The following MEGF10 variants were observed in gnomAD, a reference collection of about 807,000 sequenced individuals.
The protein encoded by MEGF10 is multiple epidermal growth factor-like domains protein 10.
MEGF10 carries 86 observed loss-of-function variants against 147.5 expected under a neutral mutation model. The ratio of observed to expected loss-of-function variants is 0.58; its 90% confidence interval spans 0.49 to 0.70. The LOEUF (loss-of-function observed/expected upper bound fraction) is 0.70. Ranked by LOEUF, MEGF10 falls within the 30% of genes least tolerant of loss-of-function variation. MEGF10 has a pLI of 0.00. For synonymous variants in MEGF10, 478 were observed against 525.5 expected (o/e 0.91, Z 1.24); for missense variants, 1,329 against 1,487.3 (o/e 0.89, Z 1.75).
chr5:127,304,226 G>A (rs1399038759), intron 1 of MEGF10, among the ~76,000 whole-genome samples: 7 of 152,096 alleles, frequency 4.6e-5, no homozygotes. Context: ...TCTTGTTTTG[G>A]GCAGAAGCTT....
Position 127,434,693 on chromosome 5 carries a change from C to G in MEGF10, c.1847C>G (p.Ser616Cys). The change falls in exon 15 of 25, where the codon TCC becomes TGC. Residue 616 changes from serine to cysteine, a missense_variant. Physicochemically the swap from Ser to Cys is moderately radical, Grantham distance 112 (BLOSUM62 -1). This residue lies in a region of MEGF10 where 980 missense variants were observed against 1,085.9 expected (regional missense o/e 0.90). Coordinates refer to ENST00000503335, the MANE Select transcript of MEGF10 (RefSeq NM_001256545.2). The stretch of plus-strand genomic sequence containing the variant: ...ATTTCCCTTCTGTTTTCAGTCTGCT[C>G]CCCTGGTTTTTATGGGCATCGCTGC... ...FRGTTCQRIC[S>C]PGFYGHRCSQ... 1 of 1,610,888 alleles carries G rather than the reference C, an allele frequency of 6.2e-7. No homozygotes were observed. Among genetic ancestry groups the G allele is most frequent in the Non-Finnish European group, 8.5e-7 (1 of 1,178,460 alleles).
rs574241361 is a variant in MEGF10, at chr5:127,458,849, C to G, written c.*1531C>G. On this transcript the variant is annotated 3_prime_UTR_variant, in exon 25 of 25. Coordinates refer to ENST00000503335, the MANE Select transcript of MEGF10 (RefSeq NM_001256545.2). ...GTGATCATAGAATTGACCATCCAAA[C>G]TGGGACACTCTTGAGAGTAAATGGA... 3 of 152,212 alleles carry G rather than the reference C, an allele frequency of 2.0e-5. No individual in the cohort carries two copies. The highest frequency in any genetic ancestry group is 4.4e-5 in the Non-Finnish European group (3 of 68,006). The allele number at this position is 152,212 out of a possible 1,614,324, so 9.4% of individuals were successfully genotyped here. A position where few individuals can be genotyped will look rare whatever the true frequency, so the allele number is the denominator to read the frequency against.
intron 22 of MEGF10, among the ~76,000 whole-genome samples, chr5:127,449,590 A>G (rs1766078899): frequency 6.6e-6 from 1 of 152,198 alleles, no homozygotes; most frequent in South Asian, 2.1e-4. Flanking sequence ...TAACAAGGTT[A>G]TGTTACTTGC....
At chr5:127,247,386 GAAGAAGAAGAAGAAGAAGAAGAAGAA>G in the MEGF10 span, among the ~76,000 whole-genome samples, 2 of 23,680 alleles carry the variant, frequency 8.4e-5, no homozygotes, top group African/African-American at 3.7e-4. Flanking sequence ...AGAAGAAGAA[GAAGAAGAAGAAGAAGAAGAAGAAGAA>G]GAAGAAGAAG....
the MEGF10 span, among the ~76,000 whole-genome samples, chr5:127,252,100 A>G: frequency 6.6e-6 from 1 of 152,012 alleles, no homozygotes; most frequent in African/African-American, 2.4e-5. Flanking sequence ...TAACAAAATT[A>G]TAGAAGCTTT....
At chr5:127,361,208 T>C (rs902145433) in intron 4 of MEGF10, among the ~76,000 whole-genome samples, 10 of 152,006 alleles carry the variant, frequency 6.6e-5, no homozygotes. Context: ...CTTTTAACTA[T>C]AATTTAATTG....
chr5:127,250,279 A>G, the MEGF10 span, among the ~76,000 whole-genome samples: 1 of 152,062 alleles, frequency 6.6e-6, no homozygotes, highest in Admixed American at 6.6e-5. Flanking sequence ...CCTAATAACT[A>G]TGTTTAACAT....
At position 127,440,766 on chromosome 5, in the gene MEGF10, A is replaced by T; in HGVS notation, c.2261A>T (p.Asp754Val). ...TGTCCTCTAGGGTTTTATGGAAAAG[A>T]TTGTGCACTGATATGCCAATGTCAA... is the stretch of plus-strand genomic sequence containing the variant. ...QRCPLGFYGK[D>V]CALICQCQNG... is the part of the protein sequence containing the mutation. The change falls in exon 18 of 25, where the codon GAT (aspartate) becomes GTT (valine). Residue 754 changes from aspartate to valine, a missense_variant. This residue lies in a region of MEGF10 where 980 missense variants were observed against 1,085.9 expected (regional missense o/e 0.90). Transcript: ENST00000503335. 1.9e-6 allele frequency: 3 copies of T among 1,614,084 alleles called. No homozygotes were observed. Among genetic ancestry groups the T allele is most frequent in the Non-Finnish European group, 1.7e-6 (2 of 1,179,968 alleles).
chr5:127,298,804 G>A (rs1759634072), intron 1 of MEGF10, among the ~76,000 whole-genome samples: 1 of 152,174 alleles, frequency 6.6e-6, no homozygotes, highest in African/African-American at 2.4e-5. Context: ...GACAGCCGGA[G>A]TAAAGGACCC....
chr5:127,370,495 T>C (rs1762808900), intron 5 of MEGF10, among the ~76,000 whole-genome samples: 1 of 152,240 alleles, frequency 6.6e-6, no homozygotes, highest in Non-Finnish European at 1.5e-5. Context: ...TAACGAGTAC[T>C]TGTTCAGATA....
chr5:127,384,826 A>G (rs996691180), intron 5 of MEGF10, among the ~76,000 whole-genome samples: 1 of 152,128 alleles, frequency 6.6e-6, no homozygotes, highest in African/African-American at 2.4e-5. Context: ...GTTCTTCTTC[A>G]TGGATGGAAA....
chr5:127,246,843 T>A, the MEGF10 span, among the ~76,000 whole-genome samples: 1 of 143,932 alleles, frequency 6.9e-6, no homozygotes, highest in East Asian at 2.0e-4. Context: ...TTACATATAA[T>A]TTATAAATGT....
At chr5:127,327,714 CTTTTT>C (rs11285616) in intron 1 of MEGF10, among the ~76,000 whole-genome samples, 1 of 122,918 alleles carries the variant, frequency 8.1e-6, no homozygotes. Context: ...CTTTTCTTTT[CTTTTT>C]TTTTTTTTTT....
At chr5:127,317,272 C>T (rs1160645019) in intron 1 of MEGF10, among the ~76,000 whole-genome samples, 1 of 152,270 alleles carries the variant, frequency 6.6e-6, no homozygotes, top group African/African-American at 2.4e-5. Flanking sequence ...TCCCATTCTG[C>T]GTGTCCGCTC....
At chr5:127,261,929 G>A in the MEGF10 span, among the ~76,000 whole-genome samples, 1 of 152,060 alleles carries the variant, frequency 6.6e-6, no homozygotes, top group Non-Finnish European at 1.5e-5. Flanking sequence ...TGTCTGTTCA[G>A]ATGCTTTGCC....
chr5:127,442,886 A>G, intron 18 of MEGF10, 112 bp from the exon 19 acceptor site: 2 of 1,154,044 alleles, frequency 1.7e-6, no homozygotes, highest in South Asian at 3.1e-5. Context: ...AGTCAGCCTC[A>G]ATAGGAATCC....
intron 13 of MEGF10, 83 bp downstream of exon 13, chr5:127,422,855 C>A: frequency 2.0e-6 from 2 of 977,172 alleles, no homozygotes; most frequent in Non-Finnish European, 3.2e-6. Flanking sequence ...CACAGAAACA[C>A]ACACCAGTCA....
rs375182816 is a variant in MEGF10, at chr5:127,334,941, C to A, written c.116+3517C>A. Among the ~76,000 whole-genome samples, 130 of 152,230 alleles carry A rather than the reference C, an allele frequency of 8.5e-4. 1 individual carries two copies. The highest frequency in any genetic ancestry group is 2.8e-3 in the African/African-American group (117 of 41,568). On this transcript the variant is annotated intron_variant, in intron 2 of 24. Transcript: ENST00000503335. ...GTAATTAACCACTTTGGAACGTGCC[C>A]AAGTGATAATGTCTTCCTCCCCTTA...
At chr5:127,445,414 C>T (rs1765905969) in intron 19 of MEGF10, 43 bp from the exon 20 acceptor site, 1 of 1,474,096 alleles carries the variant, frequency 6.8e-7, no homozygotes, top group Non-Finnish European at 9.5e-7. Context: ...AACGTTTATC[C>T]AGCACATTGT....
Sources: gnomAD v4.1 joint callset for allele counts (sites outside exome capture counted in the v4.1 genomes callset) on GRCh38, gnomAD v4.1.1 for gene constraint, gnomAD v4.1.1 regional missense constraint, MANE v1.5 for transcripts, NCBI Gene and HGNC (gene_info 2026-07-23, HGNC 2026-07-21) for gene names.